The following KLRD1 variants were observed in gnomAD, a reference collection of about 807,000 sequenced individuals.
KLRD1 encodes the protein natural killer cells antigen CD94.
KLRD1 carries 21 observed loss-of-function variants against 22.6 expected under a neutral mutation model. The ratio of observed to expected loss-of-function variants is 0.93; its 90% CI spans 0.66 to 1.34. The LOEUF is 1.34. KLRD1 is among the 40% of genes most tolerant of loss of function. The pLI is 0.00. For synonymous variants in KLRD1, 59 were observed against 71.1 expected, an observed-to-expected ratio of 0.83 and a Z score of 0.85; for missense variants, 183 against 208.6, an observed-to-expected ratio of 0.88 and a Z score of 0.76.
At chr12:10,289,354 G>T (rs533876848) in intron 1 of KLRD1, among the ~76,000 whole-genome samples, 1 of 152,276 alleles carries the variant, frequency 6.6e-6, no homozygotes, top group Non-Finnish European at 1.5e-5. Flanking sequence ...ATTTAGAAAA[G>T]ATACACATTA....
chr12:10,265,796 T>C (rs921011582), intron 1 of KLRD1, among the ~76,000 whole-genome samples: 1 of 152,186 alleles, frequency 6.6e-6, no homozygotes, highest in Non-Finnish European at 1.5e-5. Flanking sequence ...GCCATACCGC[T>C]ACATCTGATA....
chr12:10,278,344 C>T (rs1949609980), intron 1 of KLRD1, among the ~76,000 whole-genome samples: 1 of 152,132 alleles, frequency 6.6e-6, no homozygotes, highest in Admixed American at 6.6e-5. Flanking sequence ...CATTTACAGT[C>T]TGAAAATGGT....
At chr12:10,239,533 T>C (rs955742983) in intron 1 of KLRD1, among the ~76,000 whole-genome samples, 33 of 9,504 alleles carry the variant, frequency 3.5e-3, no homozygotes, top group Non-Finnish European at 6.0e-3. Context: ...CTTTCTTTCT[T>C]TCTTTCTTTC....
At chr12:10,255,988 T>C (rs1250431202) in intron 1 of KLRD1, among the ~76,000 whole-genome samples, 3 of 152,154 alleles carry the variant, frequency 2.0e-5, no homozygotes, top group African/African-American at 7.2e-5. Flanking sequence ...GTTTGTTTCA[T>C]ATATTTAAAG....
chr12:10,321,990 T>C lies in KLRD1; in HGVS notation c.*7197T>C, dbSNP rs1247111966. 2 of 152,208 alleles carry C rather than the reference T, an allele frequency of 1.3e-5. No individual in the cohort carries two copies. The highest frequency in any genetic ancestry group is 4.8e-5 in the African/African-American group (2 of 41,446). The allele number at this position is 152,208 out of a possible 1,614,324, so 9.4% of individuals were successfully genotyped here. A position where few individuals can be genotyped will look rare whatever the true frequency, so the allele number is the denominator to read the frequency against. On this transcript the variant is annotated 3_prime_UTR_variant, in exon 6 of 6. Transcript: ENST00000336164. ...GCTTACGAGTTTGAGGATAATTTGT[T>C]CTTTATAGTAGTTAGCTGATACAAT...
At chr12:10,312,866 A>G (rs1950123793) in intron 4 of KLRD1, among the ~76,000 whole-genome samples, 7 of 151,474 alleles carry the variant, frequency 4.6e-5, no homozygotes, top group Admixed American at 4.6e-4. Context: ...GGGCGCCTGT[A>G]GTCCCAGCTA....
At chr12:10,254,813 A>AGAATATTTAT (rs1555101288) in intron 1 of KLRD1, among the ~76,000 whole-genome samples, 1 of 150,804 alleles carries the variant, frequency 6.6e-6, no homozygotes. Flanking sequence ...GAATCACTTG[A>AGAATATTTAT]ACCCAGGAGG....
At chr12:10,279,607 C>T (rs1335673581) in intron 1 of KLRD1, among the ~76,000 whole-genome samples, 3 of 152,064 alleles carry the variant, frequency 2.0e-5, no homozygotes, top group African/African-American at 7.2e-5. Context: ...ATTACGTTAC[C>T]TAAATACATC....
chr12:10,312,418 G>T (rs534895381), intron 4 of KLRD1, among the ~76,000 whole-genome samples: 6 of 149,878 alleles, frequency 4.0e-5, no homozygotes, highest in South Asian at 2.1e-4. Flanking sequence ...TCGCTCTGTC[G>T]CCCAGGCTGG....
intron 1 of KLRD1, among the ~76,000 whole-genome samples, chr12:10,297,267 T>C (rs952691955): frequency 6.6e-6 from 1 of 152,216 alleles, no homozygotes; most frequent in Admixed American, 6.5e-5. Flanking sequence ...ATTAAAATTA[T>C]TATATTTGTA....
At chr12:10,295,229 G>A (rs1186460160) in intron 1 of KLRD1, among the ~76,000 whole-genome samples, 1 of 151,948 alleles carries the variant, frequency 6.6e-6, no homozygotes, top group Non-Finnish European at 1.5e-5. Context: ...TTGTAACCAC[G>A]TATCTGTATT....
chr12:10,308,121 A>T (rs1291343626), intron 1 of KLRD1, 37 bp downstream of exon 1: 4 of 1,594,090 alleles, frequency 2.5e-6, no homozygotes, highest in South Asian at 2.2e-5. Flanking sequence ...AAAAATAACC[A>T]GAAAAGCTAT....
chr12:10,301,603 T>C (rs551048645), upstream of KLRD1, among the ~76,000 whole-genome samples: 8 of 152,346 alleles, frequency 5.3e-5, no homozygotes, highest in Admixed American at 5.2e-4. Context: ...CTGCAGTCAG[T>C]GTATTGGTCT....
chr12:10,269,033 A>T (rs139091641), intron 1 of KLRD1, among the ~76,000 whole-genome samples: 6 of 152,240 alleles, frequency 3.9e-5, no homozygotes, highest in African/African-American at 1.4e-4. Context: ...AAATAATCCT[A>T]AACTAATTTT....
At chr12:10,287,800 T>C (rs1024542784) in intron 1 of KLRD1, among the ~76,000 whole-genome samples, 2 of 152,228 alleles carry the variant, frequency 1.3e-5, no homozygotes, top group African/African-American at 4.8e-5. Context: ...CCAGGCGCAG[T>C]GGCTCATGCC....
chr12:10,300,055 C>T (rs903587986), upstream of KLRD1, among the ~76,000 whole-genome samples: 2 of 152,204 alleles, frequency 1.3e-5, no homozygotes, highest in African/African-American at 4.8e-5. Flanking sequence ...CCACTGAATT[C>T]TTCAACCCCT....
intron 1 of KLRD1, among the ~76,000 whole-genome samples, chr12:10,264,889 A>G (rs1949485468): frequency 6.6e-6 from 1 of 151,308 alleles, no homozygotes; most frequent in East Asian, 1.9e-4. Flanking sequence ...CCACCATTCT[A>G]CTCTCTGTTT....
intron 1 of KLRD1, among the ~76,000 whole-genome samples, chr12:10,263,058 A>G (rs983624112): frequency 6.6e-6 from 1 of 152,052 alleles, no homozygotes; most frequent in Admixed American, 6.6e-5. Flanking sequence ...AGTACTGTTT[A>G]TCACGACAAT....
intron 3 of KLRD1, among the ~76,000 whole-genome samples, chr12:10,310,544 A>C (rs928634844): frequency 6.6e-6 from 1 of 152,192 alleles, no homozygotes; most frequent in Non-Finnish European, 1.5e-5. Flanking sequence ...TCACGTCTGT[A>C]ATCCCAGCTC....
Sources: allele counts gnomAD v4.1 joint callset (sites outside exome capture counted in the v4.1 genomes callset), GRCh38; gene constraint gnomAD v4.1.1; transcripts MANE v1.5; gene names NCBI Gene and HGNC (gene_info 2026-07-23, HGNC 2026-07-21).